FAAP20: variants seen among roughly 807,000 people sequenced by gnomAD.
FAAP20 encodes the protein Fanconi anemia core complex-associated protein 20.
In FAAP20, 12 loss-of-function variants were observed where a neutral mutation model predicts 16.2. The ratio of observed to expected loss-of-function variants is 0.74; its 90% CI spans 0.48 to 1.20. The LOEUF is 1.20. Ranked by LOEUF, FAAP20 falls within the 50% of genes most tolerant of loss-of-function variation. The pLI is 0.00. For missense variants in FAAP20, 288 were observed against 245.8 expected (o/e 1.17, Z -1.15); for synonymous variants, 141 against 110.7 (o/e 1.27, Z -1.72).
chr1:2,207,317 G>T (rs1689298265), downstream of FAAP20, among the ~76,000 whole-genome samples: 1 of 152,188 alleles, frequency 6.6e-6, no homozygotes, highest in Non-Finnish European at 1.5e-5. Flanking sequence ...GCCTTCTTGG[G>T]CGTGGTCTGG....
chr1:2,210,562 C>T (rs1689409943), downstream of FAAP20, among the ~76,000 whole-genome samples: 1 of 152,182 alleles, frequency 6.6e-6, no homozygotes, highest in Admixed American at 6.5e-5. Flanking sequence ...GGTAAGGGGG[C>T]CTTGGGGGCT....
upstream of FAAP20, chr1:2,200,981 T>C: frequency 1.6e-6 from 2 of 1,233,648 alleles, no homozygotes; most frequent in Non-Finnish European, 2.1e-6. Flanking sequence ...ATCTGCTGGC[T>C]GGGGACAGCC....
chr1:2,188,877 C>T (rs1004525172), downstream of FAAP20, among the ~76,000 whole-genome samples: 2 of 152,002 alleles, frequency 1.3e-5, no homozygotes, highest in East Asian at 1.9e-4. Flanking sequence ...TGGTGGCGGG[C>T]GCCTGTAGTC....
intron 3 of FAAP20, chr1:2,193,415 G>A (rs1170698063): frequency 4.5e-6 from 3 of 671,032 alleles, no homozygotes; most frequent in Non-Finnish European, 4.8e-6. Context: ...TGTTCTGTGG[G>A]CCCCCAGCCT....
chr1:2,210,746 G>A (rs932070110), downstream of FAAP20, among the ~76,000 whole-genome samples: 3 of 152,216 alleles, frequency 2.0e-5, no homozygotes, highest in Non-Finnish European at 2.9e-5. Flanking sequence ...CCTGGAGGGT[G>A]ACCCTGGGAA....
At chr1:2,184,675 C>G (rs56402864), downstream of FAAP20, 2,649 of 1,613,726 alleles carry the variant, frequency 1.6e-3, 6 homozygotes, top group Non-Finnish European at 1.9e-3. Context: ...CCAGCGAGCC[C>G]GTGCAGCTGA....
chr1:2,197,055 G>A (rs1452760259), upstream of FAAP20, among the ~76,000 whole-genome samples: 1 of 152,128 alleles, frequency 6.6e-6, no homozygotes, highest in East Asian at 1.9e-4. Context: ...CCTGCCATGG[G>A]ACCGGCCGGC....
downstream of FAAP20, among the ~76,000 whole-genome samples, chr1:2,187,991 G>A (rs971316328): frequency 2.0e-5 from 3 of 152,224 alleles, no homozygotes; most frequent in African/African-American, 7.2e-5. Flanking sequence ...CCTAGGGTTG[G>A]AATCACAGTG....
At chr1:2,206,420 C>G (rs1209251996) in exon 3 of FAAP20, 1 of 152,258 alleles carries the variant, frequency 6.6e-6, no homozygotes, top group African/African-American at 2.4e-5. Context: ...GACAGACGCC[C>G]TGGGCTGGGA....
downstream of FAAP20, chr1:2,184,561 C>A: frequency 1.9e-6 from 3 of 1,603,332 alleles, no homozygotes; most frequent in Non-Finnish European, 2.6e-6. Flanking sequence ...GGAGCTGACC[C>A]TTCTCCTATT....
At chr1:2,197,058 C>A (rs1482412649), upstream of FAAP20, among the ~76,000 whole-genome samples, 1 of 152,152 alleles carries the variant, frequency 6.6e-6, no homozygotes, top group Non-Finnish European at 1.5e-5. Flanking sequence ...GCCATGGGAC[C>A]GGCCGGCCTC....
At chr1:2,204,521 C>T (rs1459980349), upstream of FAAP20, among the ~76,000 whole-genome samples, 2 of 152,228 alleles carry the variant, frequency 1.3e-5, no homozygotes, top group South Asian at 2.1e-4. Context: ...CCGGTGGCTC[C>T]GGGCGTCAGC....
At chr1:2,211,460 T>C (rs1689445382), downstream of FAAP20, among the ~76,000 whole-genome samples, 1 of 90,212 alleles carries the variant, frequency 1.1e-5, no homozygotes, top group Non-Finnish European at 2.2e-5. Flanking sequence ...TTTTTTTTTT[T>C]TTTTGAGACA....
rs368437943 is a variant in FAAP20, at chr1:2,193,956, C to T, written c.198+42G>A. Reference sequence around the variant, plus strand: ...GCCTTGCCCAGCGATGGCTCCCGCCCTGGAAACCCCTTCATCGCTAAGATG... The same window carrying T: ...GCCTTGCCCAGCGATGGCTCCCGCCTTGGAAACCCCTTCATCGCTAAGATG... On this transcript the variant is annotated intron_variant, in intron 2 of 3. Transcript: ENST00000378546. The T allele has an allele frequency of 1.9e-6, 3 of 1,612,150 alleles. No individual in the cohort carries two copies. The African/African-American group carries it at 4.0e-5, about 22-fold the overall frequency.
At chr1:2,195,277 G>A (rs575443514), upstream of FAAP20, among the ~76,000 whole-genome samples, 1 of 152,344 alleles carries the variant, frequency 6.6e-6, no homozygotes, top group Admixed American at 6.5e-5. Flanking sequence ...GGGCCTCAGG[G>A]GCCTGGGCCA....
downstream of FAAP20, among the ~76,000 whole-genome samples, chr1:2,188,037 T>C (rs1300539560): frequency 6.6e-6 from 1 of 152,260 alleles, no homozygotes; most frequent in African/African-American, 2.4e-5. Flanking sequence ...TCTGCATTTA[T>C]GGCTCCGTGT....
chr1:2,194,124 G>A lies in FAAP20; in HGVS notation c.72C>T (p.Gly24=). 5 of 1,612,192 alleles carry A rather than the reference G, an allele frequency of 3.1e-6. No homozygotes were observed. Among genetic ancestry groups the A allele is most frequent in the Non-Finnish European group, 4.2e-6 (5 of 1,179,822 alleles). ...CCCCCAGGAGAAACCAGGGGCGGCCGCCAGAAGGCCTGGGGCAGACAGAGA... is the reference window on the plus strand; with the variant it reads ...CCCCCAGGAGAAACCAGGGGCGGCCACCAGAAGGCCTGGGGCAGACAGAGA... ...RRPRPAGGPS[G]GRPWFLLGGD... Residue 24 remains glycine, a synonymous_variant, in exon 2 of 4, where the codon GGC becomes GGT. Transcript: ENST00000378546.
At chr1:2,194,792 GC>G (rs1308659263), upstream of FAAP20, 5 of 560,912 alleles carry the variant, frequency 8.9e-6, no homozygotes, top group East Asian at 2.7e-4. Flanking sequence ...CCCCGCCCCC[GC>G]CCCTCCAGGC....
intron 3 of FAAP20, chr1:2,192,381 T>C: frequency 1.0e-6 from 1 of 995,294 alleles, no homozygotes; most frequent in Non-Finnish European, 1.2e-6. Context: ...TGACGCCTAC[T>C]TAGGAAAAAT....
Sources: allele counts gnomAD v4.1 joint callset (sites outside exome capture counted in the v4.1 genomes callset), GRCh38; gene constraint gnomAD v4.1.1; transcripts MANE v1.5; gene names NCBI Gene and HGNC (gene_info 2026-07-23, HGNC 2026-07-21).